Variants in EHMT1 observed in about 807,000 individuals in gnomAD.
EHMT1 encodes histone-lysine N-methyltransferase EHMT1.
A neutral mutation model predicts 147.2 loss-of-function variants in EHMT1; 15 were observed. The ratio of observed to expected loss-of-function variants is 0.10; its 90% CI spans 0.07 to 0.16. The LOEUF (loss-of-function observed/expected upper bound fraction) is 0.16, where lower values mean the gene tolerates loss of function less well. Among genes scored for constraint, EHMT1 ranks in the 10% least tolerant of loss-of-function variants. The probability of loss-of-function intolerance (pLI) is 1.00; values close to 1 mark genes in which losing one functional copy is unlikely to be tolerated. For missense variants in EHMT1, 1,587 were observed against 1,772.4 expected (o/e 0.90, Z 1.88); for synonymous variants, 795 against 709.6 (o/e 1.12, Z -1.91).
In EHMT1 at chr9:137,638,974, G is replaced by A. The variant is rs146143969; in HGVS notation, c.21+19925G>A. Among the ~76,000 whole-genome samples, 441 of 152,222 alleles carry A rather than the reference G, an allele frequency of 2.9e-3. 3 individuals carry two copies. Among genetic ancestry groups the A allele is most frequent in the African/African-American group, 1.0e-2 (414 of 41,532 alleles). ...GTGGACTTCCAGCCTTCAGAACTTC[G>A]AGACCATACATTTCTATTGTTACAT... is the stretch of plus-strand genomic sequence containing the variant. On this transcript the variant is annotated intron_variant, in intron 1 of 26. Transcript: ENST00000460843.
chr9:137,721,248 GC>G (rs1945959947), intron 3 of EHMT1, among the ~76,000 whole-genome samples: 1 of 5,268 alleles, frequency 1.9e-4, no homozygotes. Flanking sequence ...TCTCACACTC[GC>G]CCCCTCCCAG....
Position 137,776,208 on chromosome 9 carries a change from TCTGCTGCGCA to T in EHMT1, c.1792-403_1792-394del, listed in dbSNP as rs1950945748. On this transcript the variant is annotated intron_variant, in intron 11 of 26. Coordinates refer to ENST00000460843, the MANE Select transcript of EHMT1 (RefSeq NM_024757.5). This position sits in a 1 kb window ranked among gnomAD's most constrained non-coding sequence, Gnocchi z 4.4. ...GGCTCACCTGGGTCGCCAAACCACA[TCTGCTGCGCA>T]CTGCTGGGCACTGAGGCAGCTCCAC... Among the ~76,000 whole-genome samples, 1 of 152,168 alleles carries T rather than the reference TCTGCTGCGCA, an allele frequency of 6.6e-6. No individual in the cohort carries two copies. The highest frequency in any genetic ancestry group is 2.4e-5 in the African/African-American group (1 of 41,466).
rs773979432 is a variant in EHMT1 at position 137,776,282 on chromosome 9, C to T, written c.1792-336C>T. ...TGCCCTGAGGTGCTGTCGTCTGTCCCTGTCCCTATCCGCCCTTCAGAGTAG... is the reference window on the plus strand; with the variant it reads ...TGCCCTGAGGTGCTGTCGTCTGTCCTTGTCCCTATCCGCCCTTCAGAGTAG... On this transcript the variant is annotated intron_variant, in intron 11 of 26. Transcript: ENST00000460843. This position sits in a 1 kb window ranked among gnomAD's most constrained non-coding sequence, Gnocchi z 4.4. 2.6e-5 allele frequency among the ~76,000 whole-genome samples: 4 copies of T among 152,194 alleles called. No homozygotes were observed. The highest frequency in any genetic ancestry group is 5.9e-5 in the Non-Finnish European group (4 of 68,042).
rs1426937675 is a variant in EHMT1, at chr9:137,828,878, G to C, written c.3541-5471G>C. On this transcript the variant is annotated intron_variant, in intron 25 of 26. Coordinates refer to ENST00000460843, the MANE Select transcript of EHMT1 (RefSeq NM_024757.5). The surrounding 1 kb of genome is among the most constrained non-coding windows in gnomAD (Gnocchi z 5.3). The stretch of plus-strand genomic sequence containing the variant: ...CTGCCGCCTCTGTGCCTCCCCTCCT[G>C]CTTGCTGCGTGGGGGCTTGTGGAGC... 6.6e-6 allele frequency among the ~76,000 whole-genome samples: 1 copy of C among 152,140 alleles called. No individual in the cohort carries two copies. The highest frequency in any genetic ancestry group is 1.5e-5 in the Non-Finnish European group (1 of 68,018).
chr9:137,751,307 A>G (rs1351091311), intron 6 of EHMT1, among the ~76,000 whole-genome samples: 1 of 152,234 alleles, frequency 6.6e-6, no homozygotes, highest in Non-Finnish European at 1.5e-5. Flanking sequence ...GATAAGAGAT[A>G]TCAGAAATGG....
chr9:137,663,551 C>T (rs879428081), intron 1 of EHMT1, among the ~76,000 whole-genome samples: 3 of 152,188 alleles, frequency 2.0e-5, no homozygotes, highest in Non-Finnish European at 2.9e-5. Flanking sequence ...AAAGACTTCC[C>T]ATCTCCGTTT....
chr9:137,708,671 T>A (rs1489884724), intron 1 of EHMT1, among the ~76,000 whole-genome samples: 11 of 152,214 alleles, frequency 7.2e-5, no homozygotes, highest in African/African-American at 2.4e-4. Context: ...AGGTAGAGTT[T>A]TAACATTGGC....
In EHMT1 at chr9:137,778,623, C is replaced by T. The variant is rs76317412; in HGVS notation, c.2192+568C>T. Among the ~76,000 whole-genome samples the T allele has an allele frequency of 9.8e-3, 1,498 of 152,294 alleles. 15 individuals carry two copies. The highest frequency in any genetic ancestry group is 0.034 in the African/African-American group (1,401 of 41,538). On this transcript the variant is annotated intron_variant, in intron 13 of 26. Transcript: ENST00000460843. ...TTGAAGCGACGGTACCATCTGCTGA[C>T]GCCAACAGGCCCTGCTCGCTGACCA...
At chr9:137,768,739 C>A (rs974344594) in intron 10 of EHMT1, among the ~76,000 whole-genome samples, 1 of 150,900 alleles carries the variant, frequency 6.6e-6, no homozygotes, top group Admixed American at 6.6e-5. Flanking sequence ...TTAGTAGAGA[C>A]GGGGTTTCAC....
intron 1 of EHMT1, among the ~76,000 whole-genome samples, chr9:137,647,370 C>G (rs1050009656): frequency 6.6e-6 from 1 of 152,184 alleles, no homozygotes; most frequent in African/African-American, 2.4e-5. Context: ...GTCTGCCTCT[C>G]GCCCCGCAGC....
In EHMT1 at chr9:137,813,955, A is replaced by T. The variant is rs1227674699; in HGVS notation, c.3180+425A>T. 6.6e-6 allele frequency among the ~76,000 whole-genome samples: 1 copy of T among 150,992 alleles called. No individual in the cohort carries two copies. The highest frequency in any genetic ancestry group is 2.0e-4 in the East Asian group (1 of 5,108). On this transcript the variant is annotated intron_variant, in intron 21 of 26. Transcript: ENST00000460843. This position sits in a 1 kb window ranked among gnomAD's most constrained non-coding sequence, Gnocchi z 4.9. ...GCCAGCTTTCCCAGCCTCCGAGTGC[A>T]TGCAGCCTGGTGCCCTCACTGCTTG... is the stretch of plus-strand genomic sequence containing the variant.
chr9:137,814,613 C>T lies in EHMT1; in HGVS notation c.3258+105C>T, dbSNP rs527343962. On this transcript the variant is annotated intron_variant, in intron 22 of 26. Coordinates refer to ENST00000460843, the MANE Select transcript of EHMT1 (RefSeq NM_024757.5). ...GACCCCAGCGCTGTCGTGGCAGCGT[C>T]GGGAAGGAGTTGGAGGTGAGCTGGG... The T allele has an allele frequency of 3.0e-6, 4 of 1,348,206 alleles. No homozygotes were observed. The Admixed American group carries it at 5.4e-5, about 18-fold the overall frequency. 83.5% of individuals were successfully genotyped at this position (1,348,206 alleles called of 1,614,324 possible).
intron 1 of EHMT1, among the ~76,000 whole-genome samples, chr9:137,631,894 G>C (rs2133626110): frequency 6.6e-6 from 1 of 152,196 alleles, no homozygotes; most frequent in South Asian, 2.1e-4. Flanking sequence ...AGAAAAAAAA[G>C]ATTATAATAG....
chr9:137,658,570 TTG>T (rs1276298323), intron 1 of EHMT1, among the ~76,000 whole-genome samples: 4 of 152,110 alleles, frequency 2.6e-5, no homozygotes, highest in African/African-American at 7.2e-5. Context: ...CAATTATCTT[TTG>T]TTTTTTTTTA....
chr9:137,831,684 C>T (rs1956197509), intron 25 of EHMT1, among the ~76,000 whole-genome samples: 1 of 152,192 alleles, frequency 6.6e-6, no homozygotes, highest in Admixed American at 6.5e-5. Flanking sequence ...GTCTGTTGGC[C>T]CAGTGTCTGG....
At chr9:137,816,844 G>A (rs181956702) in intron 23 of EHMT1, 150 of 178,278 alleles carry the variant, frequency 8.4e-4, no homozygotes, top group Non-Finnish European at 1.3e-3. Context: ...AGGCAGACAC[G>A]GGACACATGC....
chr9:137,753,610 G>A (rs1949148394), intron 7 of EHMT1, among the ~76,000 whole-genome samples: 1 of 152,226 alleles, frequency 6.6e-6, no homozygotes, highest in Non-Finnish European at 1.5e-5. Flanking sequence ...TGGCCTGCAC[G>A]TGGCCTCCTG....
At chr9:137,738,955 G>A (rs899811757) in intron 4 of EHMT1, among the ~76,000 whole-genome samples, 9 of 152,088 alleles carry the variant, frequency 5.9e-5, no homozygotes, top group Admixed American at 5.9e-4. Flanking sequence ...GATGGAAAGA[G>A]TTGTGGAGGT....
intron 25 of EHMT1, 188 bp from the exon 26 acceptor site, chr9:137,834,161 C>T: frequency 1.4e-6 from 1 of 734,848 alleles, no homozygotes; most frequent in South Asian, 1.8e-5. Context: ...GGGTGGGTGG[C>T]CACACAGCGA....
Sources: gnomAD v4.1 joint callset for allele counts (sites outside exome capture counted in the v4.1 genomes callset) on GRCh38, gnomAD v4.1.1 for gene constraint, Gnocchi (gnomAD v3.1) non-coding constraint, MANE v1.5 for transcripts, NCBI Gene and HGNC (gene_info 2026-07-23, HGNC 2026-07-21) for gene names.